The following ATXN8OS variants were observed in gnomAD, a reference collection of about 807,000 sequenced individuals.
The protein encoded by ATXN8OS is ATXN8 opposite strand lncRNA.
chr13:70,166,373 C>G (rs1008301714), intron 4 of ATXN8OS, among the ~76,000 whole-genome samples: 1 of 151,982 alleles, frequency 6.6e-6, no homozygotes, highest in Non-Finnish European at 1.5e-5. Flanking sequence ...TATCTACAAC[C>G]ATCTGATCTT....
intron 4 of ATXN8OS, among the ~76,000 whole-genome samples, chr13:70,162,952 A>T (rs575707483): frequency 1.3e-5 from 2 of 152,190 alleles, no homozygotes; most frequent in South Asian, 4.1e-4. Context: ...CAATACTTTG[A>T]ATCATAGCAA....
chr13:70,121,371 C>A lies in ATXN8OS; in HGVS notation n.398+6073C>A, dbSNP rs754344352. Among the ~76,000 whole-genome samples, 29 of 151,946 alleles carry A rather than the reference C, an allele frequency of 1.9e-4. 1 individual carries two copies. The highest frequency in any genetic ancestry group is 2.9e-5 in the Non-Finnish European group (2 of 67,964). On this transcript the variant is annotated intron_variant and non_coding_transcript_variant, in intron 2 of 4. Coordinates refer to ENST00000678624, the Ensembl canonical transcript of ATXN8OS. Reference sequence around the variant, plus strand: ...AGTGTTAGAGAGTTTTATTTCATAGCATAGAGTTTGATTTTAATTCTATCT... The same window carrying A: ...AGTGTTAGAGAGTTTTATTTCATAGAATAGAGTTTGATTTTAATTCTATCT...
At chr13:70,130,728 T>C (rs188346840) in intron 3 of ATXN8OS, 61 of 398,494 alleles carry the variant, frequency 1.5e-4, no homozygotes, top group African/African-American at 1.1e-3. Context: ...ATATCTGGCA[T>C]AATCCAAGAC....
chr13:70,134,304 G>A (rs1888579213), intron 3 of ATXN8OS, among the ~76,000 whole-genome samples: 1 of 152,192 alleles, frequency 6.6e-6, no homozygotes, highest in South Asian at 2.1e-4. Context: ...AAAACTGAGT[G>A]AAGCATTTTA....
At chr13:70,130,186 C>G (rs879274067) in intron 3 of ATXN8OS, among the ~76,000 whole-genome samples, 2 of 152,088 alleles carry the variant, frequency 1.3e-5, no homozygotes, top group East Asian at 3.9e-4. Context: ...ACATATGTTG[C>G]GATACACTAA....
At chr13:70,123,032 A>T in intron 2 of ATXN8OS, among the ~76,000 whole-genome samples, 1 of 152,190 alleles carries the variant, frequency 6.6e-6, no homozygotes, top group East Asian at 1.9e-4. Context: ...TATATATTTT[A>T]TCATAAGGTT....
chr13:70,143,865 G>T (rs1353653550), intron 3 of ATXN8OS, among the ~76,000 whole-genome samples: 2 of 152,092 alleles, frequency 1.3e-5, no homozygotes, highest in Non-Finnish European at 1.5e-5. Context: ...TGTTGACATG[G>T]AAATTAATAG....
chr13:70,136,206 T>C (rs963201066), intron 3 of ATXN8OS, among the ~76,000 whole-genome samples: 3 of 152,218 alleles, frequency 2.0e-5, no homozygotes, highest in African/African-American at 7.2e-5. Context: ...TGGCTATTTG[T>C]TATGAAATAA....
chr13:70,114,880 C>T (rs574989538), intron 1 of ATXN8OS, among the ~76,000 whole-genome samples: 2 of 152,122 alleles, frequency 1.3e-5, no homozygotes, highest in South Asian at 2.1e-4. Context: ...TACTTTTTCT[C>T]CTATTTTAAA....
chr13:70,121,684 T>C (rs1224615212), intron 2 of ATXN8OS, among the ~76,000 whole-genome samples: 2 of 152,146 alleles, frequency 1.3e-5, no homozygotes, highest in Non-Finnish European at 2.9e-5. Context: ...TAAATAGATA[T>C]GATTTACAGC....
At chr13:70,121,070 A>AT (rs1166696804) in intron 2 of ATXN8OS, among the ~76,000 whole-genome samples, 1 of 147,214 alleles carries the variant, frequency 6.8e-6, no homozygotes, top group Non-Finnish European at 1.5e-5. Flanking sequence ...TTAAAGTATA[A>AT]TAAAAAAAAA....
At chr13:70,140,221 A>G (rs552492047) in intron 3 of ATXN8OS, among the ~76,000 whole-genome samples, 17 of 152,266 alleles carry the variant, frequency 1.1e-4, no homozygotes, top group African/African-American at 4.1e-4. Context: ...TGTGGAAATT[A>G]TAATAAAATA....
At chr13:70,161,773 G>GGA (rs1555301991) in intron 4 of ATXN8OS, among the ~76,000 whole-genome samples, 1 of 151,134 alleles carries the variant, frequency 6.6e-6, no homozygotes, top group African/African-American at 2.4e-5. Context: ...GAAAAAAAAT[G>GGA]AAAAAAAATC....
Position 70,168,579 on chromosome 13 carries a change from A to G in ATXN8OS, n.574-1174A>G, listed in dbSNP as rs538732255. Among the ~76,000 whole-genome samples, 274 of 142,462 alleles carry G rather than the reference A, an allele frequency of 1.9e-3. 1 individual carries two copies. Among genetic ancestry groups the G allele is most frequent in the African/African-American group, 6.5e-3 (258 of 39,554 alleles). The allele number at this position is 142,462 out of a possible 152,430, so 93.5% of individuals were successfully genotyped here. ...TCTAGTGACTATCATTCTACTCTCT[A>G]TCTCTGTGACATCATTTTTTTTTTT... On this transcript the variant is annotated intron_variant and non_coding_transcript_variant, in intron 4 of 4. Coordinates refer to ENST00000678624, the Ensembl canonical transcript of ATXN8OS.
chr13:70,126,613 A>G (rs1888441015), intron 2 of ATXN8OS, among the ~76,000 whole-genome samples: 1 of 151,612 alleles, frequency 6.6e-6, no homozygotes, highest in Non-Finnish European at 1.5e-5. Context: ...CATATTATAT[A>G]TATATATATG....
At chr13:70,126,927 T>A (rs932462261) in intron 2 of ATXN8OS, among the ~76,000 whole-genome samples, 2 of 151,816 alleles carry the variant, frequency 1.3e-5, no homozygotes, top group Admixed American at 6.6e-5. Flanking sequence ...TATCTGTATA[T>A]CTATATGTAC....
chr13:70,109,613 TA>T (rs1888168274), intron 1 of ATXN8OS, among the ~76,000 whole-genome samples: 2 of 152,328 alleles, frequency 1.3e-5, no homozygotes, highest in Middle Eastern at 3.4e-3. Context: ...ATAGTGCTTT[TA>T]AAATATTGAT....
chr13:70,151,727 T>C (rs1198503248), intron 4 of ATXN8OS, among the ~76,000 whole-genome samples: 8 of 152,142 alleles, frequency 5.3e-5, no homozygotes, highest in Non-Finnish European at 1.0e-4. Context: ...GGAGCGATGA[T>C]TAAAGTTGTA....
chr13:70,163,779 T>G (rs1018008336), intron 4 of ATXN8OS, among the ~76,000 whole-genome samples: 1 of 151,766 alleles, frequency 6.6e-6, no homozygotes, highest in Non-Finnish European at 1.5e-5. Flanking sequence ...CAAAAATATT[T>G]GGCTTTCTAA....
Sources: allele counts gnomAD v4.1 joint callset (sites outside exome capture counted in the v4.1 genomes callset), GRCh38; gene constraint gnomAD v4.1.1; transcripts MANE v1.5; gene names NCBI Gene and HGNC (gene_info 2026-07-23, HGNC 2026-07-21).